Variants in PTPRN2 observed in about 807,000 individuals in gnomAD.
PTPRN2 encodes receptor-type tyrosine-protein phosphatase N2.
PTPRN2 carries 74 observed loss-of-function variants against 118.8 expected under a neutral mutation model. That is an observed-to-expected ratio of 0.62 (90% CI 0.52 to 0.76). The LOEUF is 0.76. Ranked by LOEUF, PTPRN2 falls within the 30% of genes least tolerant of loss-of-function variation. The pLI, the probability that PTPRN2 is intolerant of heterozygous loss-of-function variation, is 0.00. For synonymous variants in PTPRN2, 641 were observed against 608.0 expected, an observed-to-expected ratio of 1.05 and a Z score of -0.80; for missense variants, 1,481 against 1,394.4, an observed-to-expected ratio of 1.06 and a Z score of -0.99.
At chr7:158,493,041 C>T (rs1021227059) in intron 1 of PTPRN2, among the ~76,000 whole-genome samples, 2 of 152,228 alleles carry the variant, frequency 1.3e-5, no homozygotes, top group African/African-American at 4.8e-5. Flanking sequence ...AACTGGAATT[C>T]CTTCACTTCA....
intron 13 of PTPRN2, among the ~76,000 whole-genome samples, chr7:157,657,210 T>C (rs1332415908): frequency 4.0e-5 from 4 of 99,672 alleles, no homozygotes; most frequent in Non-Finnish European, 6.0e-5. Context: ...ACATCACACA[T>C]ATACACACAC....
At chr7:158,540,176 G>A (rs1478923284) in intron 1 of PTPRN2, among the ~76,000 whole-genome samples, 2 of 152,206 alleles carry the variant, frequency 1.3e-5, no homozygotes, top group Non-Finnish European at 2.9e-5. Context: ...GGCTAGCCAA[G>A]GGCCTCACTC....
At chr7:158,532,931 CCTCT>C in intron 1 of PTPRN2, 1 of 407,790 alleles carries the variant, frequency 2.5e-6, no homozygotes, top group South Asian at 1.9e-5. Context: ...TCCTGACTGG[CCTCT>C]CTCTACCAAG....
chr7:157,875,007 GCACACAGA>G (rs148139499), intron 12 of PTPRN2, among the ~76,000 whole-genome samples: 31,358 of 151,034 alleles, frequency 0.21, 3,300 homozygotes, highest in South Asian at 0.26. Flanking sequence ...AAACGTGCAT[GCACACAGA>G]CACACAGACA....
At chr7:158,137,437 A>G (rs986389169) in intron 7 of PTPRN2, among the ~76,000 whole-genome samples, 2 of 152,078 alleles carry the variant, frequency 1.3e-5, no homozygotes, top group African/African-American at 4.8e-5. Flanking sequence ...ATAAAATAAT[A>G]AATAAATTAA....
intron 2 of PTPRN2, among the ~76,000 whole-genome samples, chr7:158,330,496 C>G (rs868659135): frequency 3.8e-5 from 4 of 105,748 alleles, no homozygotes; most frequent in African/African-American, 1.4e-4. Context: ...GAGGTGACAT[C>G]TGCAGACGTC....
chr7:158,170,132 G>A (rs571908867), intron 5 of PTPRN2, among the ~76,000 whole-genome samples: 29 of 152,328 alleles, frequency 1.9e-4, no homozygotes, highest in African/African-American at 4.1e-4. Flanking sequence ...GAGCAAGAGC[G>A]TGAGAAAGAG....
At chr7:157,798,843 G>A (rs1170168029) in intron 12 of PTPRN2, among the ~76,000 whole-genome samples, 1 of 152,044 alleles carries the variant, frequency 6.6e-6, no homozygotes, top group African/African-American at 2.4e-5. Flanking sequence ...GGGGCAGGGT[G>A]GGCGTCCCAC....
rs1388524322 is a variant in PTPRN2 at position 157,568,938 on chromosome 7, C to T, written c.2866G>A (p.Val956Ile). Residue 956 changes from valine to isoleucine, a missense_variant, in exon 21 of 23, where the codon GTC becomes ATC. By Grantham distance (29) the Val-to-Ile change is conservative. This residue lies in a region of PTPRN2 where 362 missense variants were observed against 384.1 expected (regional missense o/e 0.94). Coordinates refer to ENST00000389418, the MANE Select transcript of PTPRN2 (RefSeq NM_002847.5). ...TTGTTGAGAACCATGTCGATCAGGA[C>T]GTAGGTGCCGCTCCGGCCTGCACCG... ...SDGAGRSGTY[V>I]LIDMVLNKMA... 7 of 1,578,344 alleles carry T rather than the reference C, an allele frequency of 4.4e-6. No homozygotes were observed. Among genetic ancestry groups the T allele is most frequent in the Non-Finnish European group, 4.4e-6 (5 of 1,147,788 alleles).
At chr7:158,166,843 T>G in intron 6 of PTPRN2, 88 bp downstream of exon 6, 2 of 1,362,030 alleles carry the variant, frequency 1.5e-6, no homozygotes, top group Non-Finnish European at 1.9e-6. Flanking sequence ...AGACCCCACG[T>G]GTGGGAAGAG....
chr7:157,899,709 G>C (rs1797332475), intron 11 of PTPRN2, among the ~76,000 whole-genome samples: 1 of 152,162 alleles, frequency 6.6e-6, no homozygotes, highest in African/African-American at 2.4e-5. Context: ...GTTACAGCCT[G>C]CCCTCCCTGC....
At position 158,133,905 on chromosome 7, in the gene PTPRN2, C is replaced by T. The variant is rs550810886; in HGVS notation, c.1328G>A (p.Gly443Glu). 1 of 1,613,960 alleles carries T rather than the reference C, an allele frequency of 6.2e-7. No homozygotes were observed. Among genetic ancestry groups the T allele is most frequent in the East Asian group, 2.2e-5 (1 of 44,886 alleles). ...SSLSSEEETA[G>E]VENVKSQTYS... is the part of the protein sequence containing the mutation. The stretch of plus-strand genomic sequence containing the variant: ...CGTCTGGCTCTTGACGTTCTCCACT[C>T]CGGCAGTCTCCTCTTCTGAAGACAG... The change falls in exon 9 of 23, where the codon GGA becomes GAA. Residue 443 changes from glycine (G) to glutamate (E), a missense_variant. Gly to Glu is a moderately conservative substitution (Grantham distance 98). Around this residue, in one of 3 missense-constraint regions of PTPRN2, gnomAD observed 1,115 missense variants for 994.2 expected, o/e 1.12. Transcript: ENST00000389418.
At chr7:158,253,764 G>A (rs935157438) in intron 3 of PTPRN2, among the ~76,000 whole-genome samples, 14 of 152,240 alleles carry the variant, frequency 9.2e-5, no homozygotes, top group African/African-American at 3.1e-4. Context: ...TTCATTAGAA[G>A]AGCGGAATAA....
intron 12 of PTPRN2, among the ~76,000 whole-genome samples, chr7:157,842,632 T>C (rs1202299559): frequency 2.0e-5 from 3 of 151,858 alleles, no homozygotes; most frequent in South Asian, 2.1e-4. Context: ...TCAGGCTGGT[T>C]TCGAACTCCA....
chr7:158,450,871 G>A (rs144675999), intron 2 of PTPRN2, among the ~76,000 whole-genome samples: 176 of 152,296 alleles, frequency 1.2e-3, no homozygotes, highest in African/African-American at 3.8e-3. Context: ...GGCAAGGAGC[G>A]AAACCTCAGC....
chr7:158,251,986 A>G (rs1040220158), intron 3 of PTPRN2, among the ~76,000 whole-genome samples: 1 of 152,164 alleles, frequency 6.6e-6, no homozygotes, highest in South Asian at 2.1e-4. Context: ...TACCTGCCCC[A>G]GGCTCAGGGC....
At chr7:157,853,253 G>A (rs576253511) in intron 12 of PTPRN2, among the ~76,000 whole-genome samples, 79 of 152,266 alleles carry the variant, frequency 5.2e-4, no homozygotes, top group African/African-American at 1.9e-3. Flanking sequence ...AGAGGCTCAC[G>A]CTCACATGAT....
chr7:157,696,410 T>C (rs1444774006), intron 12 of PTPRN2, among the ~76,000 whole-genome samples: 18 of 112,992 alleles, frequency 1.6e-4, no homozygotes, highest in African/African-American at 3.6e-4. Context: ...TGGGTCTTAG[T>C]AGAGCCCTCA....
intron 11 of PTPRN2, among the ~76,000 whole-genome samples, chr7:158,043,770 T>C (rs982753944): frequency 3.3e-5 from 5 of 152,230 alleles, no homozygotes; most frequent in Non-Finnish European, 7.3e-5. Context: ...TTCCCGGCAC[T>C]GCAGACACTT....
Sources: gnomAD v4.1 joint callset for allele counts (sites outside exome capture counted in the v4.1 genomes callset) on GRCh38, gnomAD v4.1.1 for gene constraint, gnomAD v4.1.1 regional missense constraint, MANE v1.5 for transcripts, NCBI Gene and HGNC (gene_info 2026-07-23, HGNC 2026-07-21) for gene names.